The following SLC8B1 variants were observed in gnomAD, a reference collection of about 807,000 sequenced individuals.
The protein encoded by SLC8B1 is solute carrier family 8 member B1.
In SLC8B1, 52 loss-of-function variants were observed where a neutral mutation model predicts 63.4. The observed-to-expected ratio is 0.82, with a 90% confidence interval of 0.66 to 1.03. SLC8B1 has a LOEUF of 1.03. Ranked by LOEUF, SLC8B1 falls within the 50% of genes least tolerant of loss-of-function variation. The pLI is 0.00. For missense variants in SLC8B1, 657 were observed against 741.7 expected, an observed-to-expected ratio of 0.89 and a Z score of 1.33; for synonymous variants, 336 against 323.9, an observed-to-expected ratio of 1.04 and a Z score of -0.40.
At chr12:113,330,164 G>C (rs561392072) in intron 2 of SLC8B1, among the ~76,000 whole-genome samples, 3 of 152,336 alleles carry the variant, frequency 2.0e-5, no homozygotes, top group East Asian at 3.9e-4. Context: ...TAAGCTCCAG[G>C]GGGGCAGGGA....
chr12:113,301,493 C>T (rs541939936), intron 15 of SLC8B1, among the ~76,000 whole-genome samples: 80 of 152,058 alleles, frequency 5.3e-4, no homozygotes, highest in African/African-American at 1.6e-3. Flanking sequence ...TCTGCCACCA[C>T]GCCTGGCTAA....
At chr12:113,311,555 C>T (rs1341681341) in intron 11 of SLC8B1, among the ~76,000 whole-genome samples, 2 of 151,294 alleles carry the variant, frequency 1.3e-5, no homozygotes, top group African/African-American at 2.4e-5. Context: ...CGGGAGGTGG[C>T]GGTTGCAGTG....
intron 11 of SLC8B1, among the ~76,000 whole-genome samples, chr12:113,314,241 C>T (rs1004330679): frequency 1.3e-5 from 2 of 152,198 alleles, no homozygotes; most frequent in African/African-American, 4.8e-5. Flanking sequence ...TCCATGTCTG[C>T]ATCCTCCCAC....
intron 11 of SLC8B1, among the ~76,000 whole-genome samples, chr12:113,310,863 C>T (rs958571262): frequency 6.6e-6 from 1 of 152,218 alleles, no homozygotes; most frequent in African/African-American, 2.4e-5. Flanking sequence ...GGTGAGAACA[C>T]TCTAGAATTC....
intron 15 of SLC8B1, 146 bp downstream of exon 15, chr12:113,304,175 C>T (rs574211080): frequency 1.0e-4 from 69 of 668,192 alleles, no homozygotes; most frequent in South Asian, 2.2e-4. Context: ...CTACCACACC[C>T]GGCCAAGATG....
rs537536770 is a variant in SLC8B1 at position 113,305,008 on chromosome 12, G to A, written c.1493-623C>T. ...ATCTTTTTAGGCCTTTAAGAAGATG[G>A]GTGCTGAGTAAGTGTTGCAGTCAGT... On this transcript the variant is annotated intron_variant, in intron 14 of 15. Coordinates refer to ENST00000680972, the MANE Select transcript of SLC8B1 (RefSeq NM_001358345.2). The surrounding 1 kb of genome is among the most constrained non-coding windows in gnomAD (Gnocchi z 4.3). 4.6e-5 allele frequency among the ~76,000 whole-genome samples: 7 copies of A among 152,360 alleles called. No individual in the cohort carries two copies. The South Asian group carries it at 1.4e-3, about 32-fold the overall frequency.
intron 1 of SLC8B1, among the ~76,000 whole-genome samples, chr12:113,333,644 T>A (rs577916433): frequency 3.3e-5 from 5 of 152,010 alleles, no homozygotes; most frequent in African/African-American, 1.2e-4. Flanking sequence ...ATTCTGGAAA[T>A]GTCACCCCCC....
intron 1 of SLC8B1, 94 bp from the exon 2 acceptor site, chr12:113,333,054 C>T: frequency 1.3e-6 from 1 of 756,100 alleles, no homozygotes. Context: ...GAACTGCCTT[C>T]CTGCCTCCCG....
rs182518452 is a variant in SLC8B1, at chr12:113,313,978, C to T, written c.1135+1357G>A. Among the ~76,000 whole-genome samples the T allele has an allele frequency of 7.0e-3, 1,065 of 152,136 alleles. 17 individuals are homozygous for T. The highest frequency in any genetic ancestry group is 0.023 in the African/African-American group (972 of 41,482). On this transcript the variant is annotated intron_variant, in intron 11 of 15. Coordinates refer to ENST00000680972, the MANE Select transcript of SLC8B1 (RefSeq NM_001358345.2). ...TGAGCTGAGATCATGCCACTGTACT[C>T]GGGTCTGGGTGACAGTCAGACTACG... is the stretch of plus-strand genomic sequence containing the variant.
rs549522497 is a variant in SLC8B1 at position 113,305,456 on chromosome 12, C to T, written c.1492+1039G>A. Reference sequence around the variant, plus strand: ...GTGATCATCTTTCTTTCTTTAGCAGCCAACAGTATCCACTGCTGGCCGAAT... The same window carrying T: ...GTGATCATCTTTCTTTCTTTAGCAGTCAACAGTATCCACTGCTGGCCGAAT... On this transcript the variant is annotated intron_variant, in intron 14 of 15. Transcript: ENST00000680972. The surrounding 1 kb of genome is among the most constrained non-coding windows in gnomAD (Gnocchi z 4.3). 1.3e-5 allele frequency among the ~76,000 whole-genome samples: 2 copies of T among 152,376 alleles called. No homozygotes were observed. The highest frequency in any genetic ancestry group is 2.9e-5 in the Non-Finnish European group (2 of 68,042).
chr12:113,300,498 T>C (rs191444420), intron 15 of SLC8B1, among the ~76,000 whole-genome samples: 168 of 151,004 alleles, frequency 1.1e-3, no homozygotes, highest in Non-Finnish European at 1.4e-3. Flanking sequence ...ATAAATAAAA[T>C]AACAACAACA....
In SLC8B1 at chr12:113,305,569, G is replaced by A. The variant is rs1025160693; in HGVS notation, c.1492+926C>T. Reference sequence around the variant, plus strand: ...TCATAGCCCCAGGCTGGCTATATCCGTCTTTTCTATATAGACCAAAAGTTG... The same window carrying A: ...TCATAGCCCCAGGCTGGCTATATCCATCTTTTCTATATAGACCAAAAGTTG... On this transcript the variant is annotated intron_variant, in intron 14 of 15. Coordinates refer to ENST00000680972, the MANE Select transcript of SLC8B1 (RefSeq NM_001358345.2). The surrounding 1 kb of genome is among the most constrained non-coding windows in gnomAD (Gnocchi z 4.3). Among the ~76,000 whole-genome samples the A allele has an allele frequency of 2.0e-5, 3 of 152,236 alleles. No homozygotes were observed. Among genetic ancestry groups the A allele is most frequent in the Admixed American group, 6.5e-5 (1 of 15,278 alleles).
At chr12:113,331,974 T>C (rs1957061494) in intron 2 of SLC8B1, among the ~76,000 whole-genome samples, 1 of 152,122 alleles carries the variant, frequency 6.6e-6, no homozygotes, top group Admixed American at 6.6e-5. Context: ...TCCCCTCACT[T>C]GCTCTGTTCC....
At position 113,320,084 on chromosome 12, in the gene SLC8B1, C is replaced by A; in HGVS notation, c.694+247G>T. Reference sequence around the variant, plus strand: ...CTGGGATGATAGGTGTGAGCCATCACGCTTGGCCAAAAAATTGTGACACTT... The same window carrying A: ...CTGGGATGATAGGTGTGAGCCATCAAGCTTGGCCAAAAAATTGTGACACTT... On this transcript the variant is annotated intron_variant, in intron 7 of 15. Transcript: ENST00000680972. This position sits in a 1 kb window ranked among gnomAD's most constrained non-coding sequence, Gnocchi z 5.3. 2.0e-6 allele frequency: 1 copy of A among 495,850 alleles called. No homozygotes were observed. Among genetic ancestry groups the A allele is most frequent in the Non-Finnish European group, 3.6e-6 (1 of 276,390 alleles). The allele number at this position is 495,850 out of a possible 1,614,324, so 30.7% of individuals were successfully genotyped here. A position where few individuals can be genotyped will look rare whatever the true frequency, so the allele number is the denominator to read the frequency against.
intron 14 of SLC8B1, 105 bp downstream of exon 14, chr12:113,306,390 C>T: frequency 1.1e-6 from 1 of 948,360 alleles, no homozygotes; most frequent in Non-Finnish European, 1.5e-6. Context: ...CATTACCTGC[C>T]CCAGGTGTTA....
rs375440700 is a variant in SLC8B1, at chr12:113,321,247, G to A, written c.258C>T (p.Gly86=). The part of the protein sequence containing the change: ...SDGGYLDYLE[G]IFCHFPPSLL... The stretch of plus-strand genomic sequence containing the variant: ...GGCTGGGAGGGAAGTGGCAGAAGAT[G>A]CCTTCCAGGTAGTCCAGGTACCCCC... Residue 86 remains glycine, a synonymous_variant, in exon 3 of 16, where the codon GGC becomes GGT. Coordinates refer to ENST00000680972, the MANE Select transcript of SLC8B1 (RefSeq NM_001358345.2). 7 of 1,614,078 alleles carry A rather than the reference G, an allele frequency of 4.3e-6. No homozygotes were observed. Among genetic ancestry groups the A allele is most frequent in the Non-Finnish European group, 5.9e-6 (7 of 1,180,032 alleles).
At position 113,321,052 on chromosome 12, in the gene SLC8B1, T is replaced by C; in HGVS notation, c.362+4A>G. 1 of 1,611,566 alleles carries C rather than the reference T, an allele frequency of 6.2e-7. No individual in the cohort carries two copies. On this transcript the variant is annotated splice_donor_region_variant and intron_variant, in intron 4 of 15. Transcript: ENST00000680972. Reference sequence around the variant, plus strand: ...GCCAGACCGGAGCCCAGAGCCAAACTCACAACTTGGCTGCGGTGACTCCCA... The same window carrying C: ...GCCAGACCGGAGCCCAGAGCCAAACCCACAACTTGGCTGCGGTGACTCCCA...
chr12:113,307,687 T>A lies in SLC8B1; in HGVS notation c.1411+4A>T. 2.5e-6 allele frequency: 4 copies of A among 1,611,778 alleles called. No homozygotes were observed. Among genetic ancestry groups the A allele is most frequent in the Non-Finnish European group, 3.4e-6 (4 of 1,179,028 alleles). Reference sequence around the variant, plus strand: ...CCACTCAACCCCACCCAGCCCTGAGTCACCTCCAATGCTGTTCCCCCAGGC... The same window carrying A: ...CCACTCAACCCCACCCAGCCCTGAGACACCTCCAATGCTGTTCCCCCAGGC... On this transcript the variant is annotated splice_donor_region_variant and intron_variant, in intron 13 of 15. Coordinates refer to ENST00000680972, the MANE Select transcript of SLC8B1 (RefSeq NM_001358345.2).
At chr12:113,303,238 A>G (rs1353347437) in intron 15 of SLC8B1, among the ~76,000 whole-genome samples, 4 of 152,142 alleles carry the variant, frequency 2.6e-5, no homozygotes, top group Admixed American at 2.0e-4. Flanking sequence ...CATGAAAGGG[A>G]ACCTATTAAA....
Sources: gnomAD v4.1 joint callset for allele counts (sites outside exome capture counted in the v4.1 genomes callset) on GRCh38, gnomAD v4.1.1 for gene constraint, Gnocchi (gnomAD v3.1) non-coding constraint, MANE v1.5 for transcripts, NCBI Gene and HGNC (gene_info 2026-07-23, HGNC 2026-07-21) for gene names.